HRH1: variants seen among roughly 807,000 people sequenced by gnomAD.
HRH1 encodes histamine receptor H1.
Under a neutral mutation model 10.3 loss-of-function variants are expected in HRH1, and 6 were observed. The observed-to-expected ratio is 0.58, with a 90% CI of 0.32 to 1.15. The LOEUF is 1.15. HRH1 is among the 50% of genes most tolerant of loss of function. HRH1 has a pLI of 0.05. For synonymous variants in HRH1, 242 were observed against 236.7 expected (o/e 1.02, Z -0.21); for missense variants, 514 against 615.3 (o/e 0.84, Z 1.74).
intron 1 of HRH1, among the ~76,000 whole-genome samples, chr3:11,255,154 A>G (rs1293597096): frequency 6.6e-6 from 1 of 152,220 alleles, no homozygotes; most frequent in Non-Finnish European, 1.5e-5. Context: ...ACCTTTTTGA[A>G]GAGGAATTTA....
At chr3:11,160,336 G>A (rs1190846008) in intron 1 of HRH1, among the ~76,000 whole-genome samples, 1 of 152,132 alleles carries the variant, frequency 6.6e-6, no homozygotes, top group East Asian at 1.9e-4. Flanking sequence ...TTAATAAAGT[G>A]CCAGGCACTG....
intron 1 of HRH1, among the ~76,000 whole-genome samples, chr3:11,192,232 G>T (rs1937550637): frequency 6.6e-6 from 1 of 152,236 alleles, no homozygotes; most frequent in Non-Finnish European, 1.5e-5. Flanking sequence ...CAGCGTCCCA[G>T]TGAAGAAAGA....
intron 1 of HRH1, among the ~76,000 whole-genome samples, chr3:11,210,044 G>T (rs894578029): frequency 1.3e-5 from 2 of 152,164 alleles, no homozygotes; most frequent in African/African-American, 2.4e-5. Flanking sequence ...TTTGAATTCC[G>T]CCTCTTCCCT....
chr3:11,191,729 T>G (rs1352977221), intron 1 of HRH1, among the ~76,000 whole-genome samples: 1 of 152,252 alleles, frequency 6.6e-6, no homozygotes, highest in Non-Finnish European at 1.5e-5. Context: ...CAGCCAACCC[T>G]TGTGGTTTAA....
At chr3:11,195,930 AAGC>A (rs1365527928) in intron 1 of HRH1, among the ~76,000 whole-genome samples, 2 of 152,212 alleles carry the variant, frequency 1.3e-5, no homozygotes, top group Non-Finnish European at 2.9e-5. Context: ...CTGTGGCAGA[AAGC>A]AGCCAGCAAC....
intron 1 of HRH1, among the ~76,000 whole-genome samples, chr3:11,146,564 G>A (rs551813476): frequency 6.6e-6 from 1 of 152,312 alleles, no homozygotes; most frequent in South Asian, 2.1e-4. Flanking sequence ...GGAGAGAGCT[G>A]GAGCATCCAC....
chr3:11,202,132 T>C (rs1312654889), intron 1 of HRH1, among the ~76,000 whole-genome samples: 2 of 152,190 alleles, frequency 1.3e-5, no homozygotes, highest in Non-Finnish European at 2.9e-5. Flanking sequence ...GGCTGGCCGC[T>C]GTAGCTCACG....
intron 1 of HRH1, among the ~76,000 whole-genome samples, chr3:11,173,549 C>A (rs1156936429): frequency 6.6e-6 from 1 of 151,550 alleles, no homozygotes; most frequent in African/African-American, 2.4e-5. Flanking sequence ...CTACAGGCAC[C>A]CGCCACCACA....
At chr3:11,139,294 T>C (rs1936247851) in intron 1 of HRH1, among the ~76,000 whole-genome samples, 1 of 150,666 alleles carries the variant, frequency 6.6e-6, no homozygotes, top group Admixed American at 6.6e-5. Context: ...TTTTTTTTTA[T>C]TTTGAGGTGG....
chr3:11,153,683 G>A (rs1936703722), upstream of HRH1, among the ~76,000 whole-genome samples: 1 of 152,112 alleles, frequency 6.6e-6, no homozygotes, highest in Non-Finnish European at 1.5e-5. Flanking sequence ...CTCTGGAAAT[G>A]AAGGCAGCCA....
intron 1 of HRH1, among the ~76,000 whole-genome samples, chr3:11,140,743 C>A (rs1325277022): frequency 6.6e-6 from 1 of 152,176 alleles, no homozygotes; most frequent in Non-Finnish European, 1.5e-5. Flanking sequence ...AATCACACAA[C>A]TTCCCTGACC....
chr3:11,251,740 T>C (rs1490229060), intron 1 of HRH1, among the ~76,000 whole-genome samples: 1 of 152,228 alleles, frequency 6.6e-6, no homozygotes, highest in Non-Finnish European at 1.5e-5. Context: ...AAGATAGCCT[T>C]GTATTTTAAA....
At chr3:11,137,406 G>A (rs1419065692) in intron 1 of HRH1, 2 of 152,734 alleles carry the variant, frequency 1.3e-5, no homozygotes, top group South Asian at 2.1e-4. Context: ...CCAGGTGAGA[G>A]GCAATTACCG....
At chr3:11,221,042 A>G (rs1452686194) in intron 1 of HRH1, among the ~76,000 whole-genome samples, 1 of 152,214 alleles carries the variant, frequency 6.6e-6, no homozygotes, top group Non-Finnish European at 1.5e-5. Flanking sequence ...GGGCGTGGGA[A>G]TATGAGTTTA....
chr3:11,196,832 G>A (rs532839338), intron 1 of HRH1, among the ~76,000 whole-genome samples: 37 of 151,866 alleles, frequency 2.4e-4, no homozygotes, highest in Non-Finnish European at 4.1e-4. Context: ...AATCTCGTCC[G>A]GGCACGGTAG....
intron 1 of HRH1, among the ~76,000 whole-genome samples, chr3:11,201,726 A>G (rs1470455390): frequency 6.6e-6 from 1 of 152,358 alleles, no homozygotes. Context: ...GGACATGCCC[A>G]GGAAGAAAGC....
intron 1 of HRH1, among the ~76,000 whole-genome samples, chr3:11,196,396 GT>G (rs1937652737): frequency 6.6e-6 from 1 of 152,034 alleles, no homozygotes; most frequent in South Asian, 2.1e-4. Flanking sequence ...ACATTTGTCC[GT>G]GTGATTCCTT....
rs188655404 is a variant in HRH1 at position 11,230,542 on chromosome 3, A to G, written c.-35-28461A>G. Among the ~76,000 whole-genome samples, 20 of 152,352 alleles carry G rather than the reference A, an allele frequency of 1.3e-4. No individual in the cohort carries two copies. The East Asian group carries it at 3.9e-3, about 29-fold the overall frequency. On this transcript the variant is annotated intron_variant, in intron 1 of 1. Transcript: ENST00000431010. Reference sequence around the variant, plus strand: ...ACCACAGTGTAAAAGCCCTTGCTACACAGTGAGGTTCGTGGGCCAACAGCA... The same window carrying G: ...ACCACAGTGTAAAAGCCCTTGCTACGCAGTGAGGTTCGTGGGCCAACAGCA...
At chr3:11,157,355 G>A (rs779827017) in intron 1 of HRH1, among the ~76,000 whole-genome samples, 3 of 152,188 alleles carry the variant, frequency 2.0e-5, no homozygotes, top group Non-Finnish European at 4.4e-5. Flanking sequence ...ATTCTCATTA[G>A]CATTCAGGCC....
Sources: gnomAD v4.1 joint callset for allele counts (sites outside exome capture counted in the v4.1 genomes callset) on GRCh38, gnomAD v4.1.1 for gene constraint, MANE v1.5 for transcripts, NCBI Gene and HGNC (gene_info 2026-07-23, HGNC 2026-07-21) for gene names.